Variants in IL1RAPL2 observed in about 807,000 individuals in gnomAD.
The protein encoded by IL1RAPL2 is interleukin 1 receptor accessory protein like 2, also known as X-linked interleukin-1 receptor accessory protein-like 2.
IL1RAPL2 carries 3 observed loss-of-function variants against 44.1 expected under a neutral mutation model. That is an observed-to-expected ratio of 0.07 (90% CI 0.03 to 0.18). The LOEUF (loss-of-function observed/expected upper bound fraction) is 0.18. Ranked by LOEUF, IL1RAPL2 falls within the 10% of genes least tolerant of loss-of-function variation. IL1RAPL2 has a pLI of 1.00. For missense variants in IL1RAPL2, 391 were observed against 496.4 expected (o/e 0.79, Z 2.02); for synonymous variants, 181 against 178.8 (o/e 1.01, Z -0.10).
intron 5 of IL1RAPL2, among the ~76,000 whole-genome samples, chrX:105,346,345 T>A (rs1360834813): frequency 8.9e-6 from 1 of 112,158 alleles, no homozygotes; most frequent in Admixed American, 9.5e-5. Context: ...TCACTTTTGA[T>A]TTCTATGAGC....
intron 2 of IL1RAPL2, among the ~76,000 whole-genome samples, chrX:105,149,226 A>G (rs921012381): frequency 5.4e-5 from 6 of 111,865 alleles, no homozygotes; most frequent in African/African-American, 2.0e-4. Context: ...GTATATCTAT[A>G]TGTATGATCC....
intron 6 of IL1RAPL2, among the ~76,000 whole-genome samples, chrX:105,647,081 C>G (rs964343573): frequency 8.9e-6 from 1 of 112,105 alleles, no homozygotes; most frequent in East Asian, 2.8e-4. Flanking sequence ...TGGAACCCAG[C>G]GACTAGTGTT....
chrX:105,220,441 G>A (rs781807953), intron 3 of IL1RAPL2: 5 of 1,094,194 alleles, frequency 4.6e-6, no homozygotes, highest in East Asian at 3.1e-5. Flanking sequence ...TGTGTGGATG[G>A]AGCAGCCAAT....
At chrX:105,764,512 T>A (rs933664536) in intron 10 of IL1RAPL2, among the ~76,000 whole-genome samples, 1 of 112,155 alleles carries the variant, frequency 8.9e-6, no homozygotes, top group Non-Finnish European at 1.9e-5. Context: ...GATAGACTCA[T>A]GTATAGATAT....
chrX:104,710,061 T>G (rs1020634695), intron 2 of IL1RAPL2, among the ~76,000 whole-genome samples: 49 of 111,349 alleles, frequency 4.4e-4, no homozygotes, highest in African/African-American at 1.6e-3. Context: ...TCAGTTACTG[T>G]GGAAAGCAGT....
At chrX:105,158,153 C>A (rs964670876) in intron 2 of IL1RAPL2, among the ~76,000 whole-genome samples, 2 of 111,126 alleles carry the variant, frequency 1.8e-5, no homozygotes, top group African/African-American at 3.3e-5. Context: ...TTCAGGAGAT[C>A]GAGACCATCC....
At chrX:104,889,551 GTCTT>G (rs1167540030) in intron 2 of IL1RAPL2, among the ~76,000 whole-genome samples, 1 of 111,521 alleles carries the variant, frequency 9.0e-6, no homozygotes, top group Non-Finnish European at 1.9e-5. Context: ...CTGCACCTTA[GTCTT>G]TCTAAGTCCC....
chrX:105,032,749 G>A (rs953086409), intron 2 of IL1RAPL2, among the ~76,000 whole-genome samples: 1 of 111,120 alleles, frequency 9.0e-6, no homozygotes, highest in Non-Finnish European at 1.9e-5. Flanking sequence ...GGTTCGCTTG[G>A]TACAGAGATG....
intron 6 of IL1RAPL2, among the ~76,000 whole-genome samples, chrX:105,655,571 A>G (rs2037672043): frequency 8.9e-6 from 1 of 112,538 alleles, no homozygotes; most frequent in Non-Finnish European, 1.9e-5. Context: ...TCAGAGTACA[A>G]GTAAAACACA....
intron 2 of IL1RAPL2, among the ~76,000 whole-genome samples, chrX:105,135,743 A>G (rs1389817774): frequency 8.9e-6 from 1 of 111,748 alleles, no homozygotes. Flanking sequence ...TTTCATAAGG[A>G]AGTTTGAGAA....
At chrX:104,942,132 A>G (rs1170547332) in intron 2 of IL1RAPL2, among the ~76,000 whole-genome samples, 7 of 111,889 alleles carry the variant, frequency 6.3e-5, no homozygotes, top group East Asian at 5.6e-4. Flanking sequence ...GTCAGGTAGC[A>G]TGATGCCTCC....
intron 2 of IL1RAPL2, among the ~76,000 whole-genome samples, chrX:105,094,809 T>C (rs1262546843): frequency 8.9e-6 from 1 of 111,767 alleles, no homozygotes; most frequent in Non-Finnish European, 1.9e-5. Context: ...AGTCTTCCAA[T>C]CTATGAATAC....
intron 4 of IL1RAPL2, among the ~76,000 whole-genome samples, chrX:105,247,464 A>C (rs754823149): frequency 9.0e-6 from 1 of 111,178 alleles, no homozygotes; most frequent in Non-Finnish European, 1.9e-5. Flanking sequence ...AAAGGGACTC[A>C]AATGAGGAAA....
chrX:105,491,858 G>C (rs2036321733), intron 6 of IL1RAPL2, among the ~76,000 whole-genome samples: 2 of 111,680 alleles, frequency 1.8e-5, no homozygotes, highest in Admixed American at 1.9e-4. Flanking sequence ...TGCTTGTTTT[G>C]AGATTTTTAA....
At chrX:105,399,446 A>C (rs1017211697) in intron 5 of IL1RAPL2, among the ~76,000 whole-genome samples, 1 of 110,253 alleles carries the variant, frequency 9.1e-6, no homozygotes, top group African/African-American at 3.3e-5. Context: ...AATACTCCAA[A>C]CATATGCTTC....
intron 2 of IL1RAPL2, among the ~76,000 whole-genome samples, chrX:105,018,430 T>C (rs1214259627): frequency 2.7e-5 from 3 of 111,735 alleles, no homozygotes; most frequent in Non-Finnish European, 5.7e-5. Context: ...AGTTGCCTTC[T>C]CTTGTACTTC....
intron 6 of IL1RAPL2, among the ~76,000 whole-genome samples, chrX:105,533,565 C>A (rs767745814): frequency 1.8e-5 from 2 of 112,124 alleles, no homozygotes; most frequent in Non-Finnish European, 3.8e-5. Flanking sequence ...ATAGCATCAA[C>A]ACGAGGCTCC....
At chrX:104,950,542 G>A (rs1036523087) in intron 2 of IL1RAPL2, among the ~76,000 whole-genome samples, 6 of 112,360 alleles carry the variant, frequency 5.3e-5, no homozygotes, top group Admixed American at 9.4e-5. Context: ...AAGCAAGCCT[G>A]GGCAGTGACG....
chrX:104,951,418 T>C (rs1198780745), intron 2 of IL1RAPL2, among the ~76,000 whole-genome samples: 19 of 112,351 alleles, frequency 1.7e-4, no homozygotes, highest in Admixed American at 1.4e-3. Context: ...TTCTATTTTT[T>C]CTTTTGTAAA....
Sources: allele counts gnomAD v4.1 joint callset (sites outside exome capture counted in the v4.1 genomes callset), GRCh38; gene constraint gnomAD v4.1.1; transcripts MANE v1.5; gene names NCBI Gene and HGNC (gene_info 2026-07-23, HGNC 2026-07-21).